Variants in BOC observed in about 807,000 individuals in gnomAD.
BOC encodes brother of CDO.
BOC carries 76 observed loss-of-function variants against 112.0 expected under a neutral mutation model. That is an observed-to-expected ratio of 0.68 (90% CI 0.56 to 0.82). BOC has a LOEUF of 0.82. Ranked by LOEUF, BOC falls within the 40% of genes least tolerant of loss-of-function variation. The pLI is 0.00. For synonymous variants in BOC, 580 were observed against 599.8 expected (o/e 0.97, Z 0.48); for missense variants, 1,309 against 1,511.7 (o/e 0.87, Z 2.22).
In BOC at chr3:113,286,676, G is replaced by T. The variant is rs756074708; in HGVS notation, c.3162G>T (p.Gly1054=). 37 of 1,572,526 alleles carry T rather than the reference G, an allele frequency of 2.4e-5. No homozygotes were observed. The Admixed American group carries it at 7.1e-4, about 30-fold the overall frequency. The change falls in exon 20 of 20, where the codon GGG becomes GGT. Residue 1054 remains glycine, a splice_region_variant and synonymous_variant. Transcript: ENST00000682979. ...EAVWDPPFHS[G]PPCCLGLVPV... is the part of the protein sequence containing the mutation. ...GGTTCCTACTCTTTCTCCCCTCAGG[G>T]CCCCCATGCTGCTTGGGCCTTGTGC... is the stretch of plus-strand genomic sequence containing the variant.
At position 113,283,440 on chromosome 3, in the gene BOC, C is replaced by G; in HGVS notation, c.2464C>G (p.Leu822Val). The change falls in exon 16 of 20, where the codon CTG becomes GTG. Residue 822 changes from leucine (L) to valine (V), a missense_variant. Transcript: ENST00000682979. ...ARKSSGQPGR[L>V]PPPTLAPPQP... ...GAAGTCTTCTGGCCAGCCTGGTCGACTGCCACCCCCAACTCTGGCCCCACC... is the reference window on the plus strand; with the variant it reads ...GAAGTCTTCTGGCCAGCCTGGTCGAGTGCCACCCCCAACTCTGGCCCCACC... The G allele has an allele frequency of 6.2e-7, 1 of 1,608,554 alleles. No individual in the cohort carries two copies. Among genetic ancestry groups the G allele is most frequent in the Non-Finnish European group, 8.5e-7 (1 of 1,175,316 alleles).
At chr3:113,271,010 A>C (rs1365611261) in intron 6 of BOC, 66 bp downstream of exon 6, 1 of 1,606,742 alleles carries the variant, frequency 6.2e-7, no homozygotes. Context: ...AAAGATGGAA[A>C]GGGAGGTAGA....
intron 1 of BOC, among the ~76,000 whole-genome samples, chr3:113,213,264 A>T (rs1328676600): frequency 6.6e-6 from 1 of 152,120 alleles, no homozygotes; most frequent in Non-Finnish European, 1.5e-5. Context: ...AGTGAAGATT[A>T]TATTTTGATT....
chr3:113,238,425 T>C (rs1039189388), intron 2 of BOC, among the ~76,000 whole-genome samples: 14 of 152,196 alleles, frequency 9.2e-5, no homozygotes, highest in Non-Finnish European at 1.6e-4. Flanking sequence ...AAATCATAAT[T>C]CCTCCACATT....
At chr3:113,252,080 A>G (rs566717883) in intron 4 of BOC, 1 of 152,302 alleles carries the variant, frequency 6.6e-6, no homozygotes, top group East Asian at 1.9e-4. Flanking sequence ...CATTGTATGT[A>G]TGGGCACGTG....
intron 13 of BOC, 114 bp from the exon 14 acceptor site, chr3:113,280,444 T>A (rs1403679494): frequency 6.9e-6 from 5 of 729,562 alleles, no homozygotes; most frequent in African/African-American, 1.8e-5. Context: ...TTGCCAGGGG[T>A]CCCAAGTGAA....
In BOC at chr3:113,258,493, C is replaced by A. The variant is rs1050214507; in HGVS notation, c.376+7660C>A. ...TTCCAGTACTCCCCACTTCCGCCCC[C>A]GTCTGGTTCAGTTAGCCAGTGACTC... On this transcript the variant is annotated intron_variant, in intron 4 of 19. Transcript: ENST00000682979. Among the ~76,000 whole-genome samples, 6 of 152,328 alleles carry A rather than the reference C, an allele frequency of 3.9e-5. 1 individual carries two copies. Among genetic ancestry groups the A allele is most frequent in the African/African-American group, 1.4e-4 (6 of 41,562 alleles).
intron 2 of BOC, among the ~76,000 whole-genome samples, chr3:113,223,157 G>A (rs1941043747): frequency 6.6e-6 from 1 of 152,224 alleles, no homozygotes; most frequent in Non-Finnish European, 1.5e-5. Context: ...GGACAGATGT[G>A]CCTGAGAAAT....
intron 16 of BOC, 81 bp downstream of exon 16, chr3:113,283,713 G>A: frequency 5.1e-6 from 7 of 1,367,794 alleles, no homozygotes; most frequent in Non-Finnish European, 7.1e-6. Context: ...CTAGGTCTGT[G>A]TCCATGGAAA....
At chr3:113,251,205 C>T in intron 4 of BOC, 1 of 457,050 alleles carries the variant, frequency 2.2e-6, no homozygotes, top group Non-Finnish European at 3.9e-6. Context: ...CACACACCTT[C>T]CAGTCCCCTC....
intron 2 of BOC, among the ~76,000 whole-genome samples, chr3:113,221,730 T>C (rs988144154): frequency 6.6e-6 from 1 of 152,366 alleles, no homozygotes. Context: ...AAAATCAGTG[T>C]CACACTTTTG....
chr3:113,236,266 GTATATATACCCA>G (rs1943460820), intron 2 of BOC, among the ~76,000 whole-genome samples: 6 of 52,586 alleles, frequency 1.1e-4, no homozygotes, highest in African/African-American at 2.5e-4. Context: ...GTGTGTGTGT[GTATATATACCCA>G]TGGGTATATA....
chr3:113,249,976 A>C (rs1945409005), intron 3 of BOC, 77 bp downstream of exon 3: 1 of 1,295,542 alleles, frequency 7.7e-7, no homozygotes, highest in Admixed American at 2.1e-5. Context: ...CTCTTTAAAA[A>C]GGCCTTCTTT....
At chr3:113,285,256 C>T in intron 18 of BOC, 116 bp from the exon 19 acceptor site, 1 of 944,384 alleles carries the variant, frequency 1.1e-6, no homozygotes, top group African/African-American at 1.6e-5. Context: ...GTCCTTGCCC[C>T]ATCTGAGCTC....
At chr3:113,215,135 C>T (rs1384945930) in intron 1 of BOC, among the ~76,000 whole-genome samples, 1 of 152,172 alleles carries the variant, frequency 6.6e-6, no homozygotes, top group Non-Finnish European at 1.5e-5. Context: ...TGTGCTCCCA[C>T]ATGGAGCCTT....
At chr3:113,234,166 G>A (rs1943101517) in intron 2 of BOC, among the ~76,000 whole-genome samples, 1 of 151,992 alleles carries the variant, frequency 6.6e-6, no homozygotes, top group Admixed American at 6.5e-5. Flanking sequence ...TGAAGCTTAA[G>A]CGATGCTGAC....
At chr3:113,237,140 A>T (rs977047710) in intron 2 of BOC, among the ~76,000 whole-genome samples, 1 of 152,208 alleles carries the variant, frequency 6.6e-6, no homozygotes, top group Non-Finnish European at 1.5e-5. Flanking sequence ...CCCTTAAGTG[A>T]TGGAACATCA....
rs757985552 is a variant in BOC, at chr3:113,283,478, T to A, written c.2502T>A (p.Leu834=). 1.9e-6 allele frequency: 3 copies of A among 1,613,916 alleles called. No homozygotes were observed. The highest frequency in any genetic ancestry group is 2.5e-6 in the Non-Finnish European group (3 of 1,179,976). ...CTCTGGCCCCACCACAGCCGCCCCT[T>A]CCTGAAACCATAGAGCGGCCGGTGG... is the stretch of plus-strand genomic sequence containing the variant. ...PPTLAPPQPP[L]PETIERPVGT... is the part of the protein sequence containing the mutation. Residue 834 remains leucine, a synonymous_variant, in exon 16 of 20, where the codon CTT becomes CTA. Transcript: ENST00000682979.
At chr3:113,261,607 C>T (rs576212703) in intron 4 of BOC, 3 of 152,274 alleles carry the variant, frequency 2.0e-5, no homozygotes, top group South Asian at 2.1e-4. Context: ...TCGCATTTCT[C>T]GTTCTCTTAT....
Sources: gnomAD v4.1 joint callset for allele counts (sites outside exome capture counted in the v4.1 genomes callset) on GRCh38, gnomAD v4.1.1 for gene constraint, MANE v1.5 for transcripts, NCBI Gene and HGNC (gene_info 2026-07-23, HGNC 2026-07-21) for gene names.